The following LMF1 variants were observed in gnomAD, a reference collection of about 807,000 sequenced individuals.
LMF1 encodes the protein lipase maturation factor 1, also known as transmembrane protein 112.
LMF1 carries 68 observed loss-of-function variants against 60.6 expected under a neutral mutation model. The ratio of observed to expected loss-of-function variants is 1.12; its 90% CI spans 0.92 to 1.37. LMF1 has a LOEUF of 1.37. Ranked by LOEUF, LMF1 falls within the 40% of genes most tolerant of loss-of-function variation. The pLI, the probability that LMF1 is intolerant of heterozygous loss-of-function variation, is 0.00. For missense variants in LMF1, 948 were observed against 767.2 expected (o/e 1.24, Z -2.78); for synonymous variants, 418 against 324.7 (o/e 1.29, Z -3.09).
chr16:956,148 C>T (rs1402748959), intron 1 of LMF1, among the ~76,000 whole-genome samples: 1 of 94,858 alleles, frequency 1.1e-5, no homozygotes, highest in African/African-American at 7.0e-5. Flanking sequence ...CACAGGTCTC[C>T]GAGTTCATGT....
rs146484291 is a variant in LMF1, at chr16:926,890, C to T, written c.514+7354G>A. On this transcript the variant is annotated intron_variant, in intron 3 of 10. Coordinates refer to ENST00000262301, the MANE Select transcript of LMF1 (RefSeq NM_022773.4). Reference sequence around the variant, plus strand: ...TCTAGCCATAGGAGTCCTCCCTGGACGGCACCCCGGGCCTATGCTGGGGTC... The same window carrying T: ...TCTAGCCATAGGAGTCCTCCCTGGATGGCACCCCGGGCCTATGCTGGGGTC... Among the ~76,000 whole-genome samples, 777 of 152,322 alleles carry T rather than the reference C, an allele frequency of 5.1e-3. 11 individuals carry two copies. The highest frequency in any genetic ancestry group is 0.017 in the African/African-American group (689 of 41,580).
Position 956,182 on chromosome 16 carries a change from G to C in LMF1, c.194-1516C>G, listed in dbSNP as rs1388260973. Among the ~76,000 whole-genome samples the C allele has an allele frequency of 9.7e-5, 12 of 123,956 alleles. No homozygotes were observed. The Admixed American group carries it at 9.9e-4, about 10-fold the overall frequency. 81.3% of individuals were successfully genotyped at this position (123,956 alleles called of 152,430 possible). On this transcript the variant is annotated intron_variant, in intron 1 of 10. Coordinates refer to ENST00000262301, the MANE Select transcript of LMF1 (RefSeq NM_022773.4). ...GTCTCACGGCGCCCACCCCACGACGGCTCTCTCACATCCACAGGTCTCCGA... is the reference window on the plus strand; with the variant it reads ...GTCTCACGGCGCCCACCCCACGACGCCTCTCTCACATCCACAGGTCTCCGA...
At chr16:893,174 G>T in intron 4 of LMF1, 102 bp from the exon 5 acceptor site, 1 of 1,012,510 alleles carries the variant, frequency 9.9e-7, no homozygotes, top group Non-Finnish European at 1.5e-6. Context: ...CACGAAGGCC[G>T]TGGATCTGGG....
In LMF1 at chr16:885,527, G is replaced by A. The variant is rs553684088; in HGVS notation, c.730-5790C>T. 3.9e-5 allele frequency among the ~76,000 whole-genome samples: 6 copies of A among 152,326 alleles called. No individual in the cohort carries two copies. In the East Asian group the frequency reaches 1.2e-3, roughly 29 times the overall value. On this transcript the variant is annotated intron_variant, in intron 5 of 10. Coordinates refer to ENST00000262301, the MANE Select transcript of LMF1 (RefSeq NM_022773.4). ...TCAAACACAAAGACACACACAGGCG[G>A]AAAGGTAAAGGACGGAAAAACATAC...
At chr16:925,881 G>A (rs1464747865) in intron 3 of LMF1, among the ~76,000 whole-genome samples, 2 of 152,270 alleles carry the variant, frequency 1.3e-5, no homozygotes, top group Admixed American at 1.3e-4. Context: ...CCTAAATCCT[G>A]TATGTGCATC....
intron 2 of LMF1, among the ~76,000 whole-genome samples, chr16:935,454 C>A (rs965989210): frequency 2.6e-5 from 4 of 151,816 alleles, no homozygotes; most frequent in African/African-American, 9.7e-5. Flanking sequence ...GACTTGTACA[C>A]TTTATGTCAG....
rs1011679167 is a variant in LMF1, at chr16:871,425, A to G, written c.898-84T>C. On this transcript the variant is annotated intron_variant, in intron 6 of 10. Coordinates refer to ENST00000262301, the MANE Select transcript of LMF1 (RefSeq NM_022773.4). Reference sequence around the variant, plus strand: ...TGGCGCCTCTCTTCCTGGAGCAGGGAGGGGGGAGGGAACCTGCACCCAGCT... The same window carrying G: ...TGGCGCCTCTCTTCCTGGAGCAGGGGGGGGGGAGGGAACCTGCACCCAGCT... 2.1e-5 allele frequency: 26 copies of G among 1,249,818 alleles called. No individual in the cohort carries two copies. In the South Asian group the frequency reaches 2.6e-4, roughly 12 times the overall value. The allele number at this position is 1,249,818 out of a possible 1,614,324, so 77.4% of individuals were successfully genotyped here. A position where few individuals can be genotyped will look rare whatever the true frequency, so the allele number is the denominator to read the frequency against.
chr16:941,944 A>G (rs975686630), intron 2 of LMF1, among the ~76,000 whole-genome samples: 5 of 152,220 alleles, frequency 3.3e-5, no homozygotes, highest in Admixed American at 2.0e-4. Context: ...AGAAAAAAAG[A>G]AATAGAGAAC....
At chr16:924,147 G>A (rs1489603782) in intron 3 of LMF1, among the ~76,000 whole-genome samples, 1 of 152,196 alleles carries the variant, frequency 6.6e-6, no homozygotes. Flanking sequence ...CTATACTGAT[G>A]ATGATGAGAA....
chr16:890,676 C>G (rs963747815), intron 5 of LMF1, among the ~76,000 whole-genome samples: 8 of 152,230 alleles, frequency 5.3e-5, no homozygotes, highest in Non-Finnish European at 1.0e-4. Context: ...CATGTGGGCA[C>G]AGGACCCCCC....
At chr16:873,625 G>GCTCACA (rs2069876903) in intron 6 of LMF1, 1 of 39,960 alleles carries the variant, frequency 2.5e-5, no homozygotes, top group African/African-American at 9.3e-5. Context: ...GCCTGTTCGC[G>GCTCACA]GGGACCCTCC....
intron 3 of LMF1, 89 bp downstream of exon 3, chr16:934,155 G>A: frequency 6.3e-7 from 1 of 1,595,336 alleles, no homozygotes; most frequent in Non-Finnish European, 8.5e-7. Context: ...GCTAAGGAAG[G>A]GGAGAGGCCA....
chr16:954,286 A>G, intron 2 of LMF1, 71 bp downstream of exon 2: 1 of 1,438,220 alleles, frequency 7.0e-7, no homozygotes, highest in Non-Finnish European at 9.6e-7. Flanking sequence ...TCCAAGTGCC[A>G]GGACACCTGC....
Position 870,069 on chromosome 16 carries a change from G to C in LMF1, c.1233-3C>G. 1 of 1,605,844 alleles carries C rather than the reference G, an allele frequency of 6.2e-7. No homozygotes were observed. Among genetic ancestry groups the C allele is most frequent in the Non-Finnish European group, 8.5e-7 (1 of 1,179,146 alleles). On this transcript the variant is annotated splice_region_variant and splice_polypyrimidine_tract_variant and intron_variant, in intron 8 of 10. Coordinates refer to ENST00000262301, the MANE Select transcript of LMF1 (RefSeq NM_022773.4). ...CCTCCGCCCGCTCCTTGGTGATGCT[G>C]CCGGGAGACCGAGGCAGGCCAGGCC...
intron 2 of LMF1, among the ~76,000 whole-genome samples, chr16:938,357 C>T (rs1015508507): frequency 1.3e-4 from 19 of 148,606 alleles, no homozygotes; most frequent in Non-Finnish European, 2.2e-4. Flanking sequence ...CGGGGCTGGA[C>T]GGCGGCTCAC....
intron 1 of LMF1, among the ~76,000 whole-genome samples, chr16:978,734 G>A (rs1046121169): frequency 1.3e-4 from 20 of 152,248 alleles, no homozygotes; most frequent in Admixed American, 1.1e-3. Context: ...CTGAAGGGGT[G>A]GGGCAGGGAT....
intron 10 of LMF1, among the ~76,000 whole-genome samples, chr16:860,103 T>C (rs1276531514): frequency 1.3e-5 from 2 of 152,198 alleles, no homozygotes; most frequent in Non-Finnish European, 2.9e-5. Flanking sequence ...TATTTTAGTA[T>C]TAAGTTATGA....
intron 2 of LMF1, among the ~76,000 whole-genome samples, chr16:938,278 G>A (rs1489134356): frequency 1.3e-5 from 2 of 152,070 alleles, no homozygotes; most frequent in Admixed American, 6.5e-5. Flanking sequence ...TTGTGGGGAC[G>A]GCAGGGATGG....
chr16:923,849 A>G (rs918147978), intron 3 of LMF1, among the ~76,000 whole-genome samples: 6 of 152,202 alleles, frequency 3.9e-5, no homozygotes, highest in African/African-American at 7.2e-5. Flanking sequence ...CAAAGTGGAG[A>G]GAAAAAACTG....
Sources: gnomAD v4.1 joint callset for allele counts (sites outside exome capture counted in the v4.1 genomes callset) on GRCh38, gnomAD v4.1.1 for gene constraint, MANE v1.5 for transcripts, NCBI Gene and HGNC (gene_info 2026-07-23, HGNC 2026-07-21) for gene names.